Variants in ATG10 observed in about 807,000 individuals in gnomAD.
ATG10 encodes ubiquitin-like-conjugating enzyme ATG10.
Under a neutral mutation model 32.1 loss-of-function variants are expected in ATG10, and 30 were observed. The observed-to-expected ratio is 0.94, with a 90% CI of 0.70 to 1.27. The LOEUF (loss-of-function observed/expected upper bound fraction) is 1.27. Ranked by LOEUF, ATG10 falls within the 50% of genes most tolerant of loss-of-function variation. ATG10 has a pLI of 0.00. For synonymous variants in ATG10, 87 were observed against 91.5 expected (o/e 0.95, Z 0.28); for missense variants, 233 against 262.3 (o/e 0.89, Z 0.77).
chr5:82,045,525 T>C (rs1438787846), intron 2 of ATG10, among the ~76,000 whole-genome samples: 2 of 152,158 alleles, frequency 1.3e-5, no homozygotes, highest in Non-Finnish European at 1.5e-5. Context: ...GCTGTTCTGT[T>C]GTATGCTTCT....
intron 2 of ATG10, among the ~76,000 whole-genome samples, chr5:82,041,965 A>G (rs576346525): frequency 2.2e-4 from 33 of 151,900 alleles, no homozygotes; most frequent in African/African-American, 7.5e-4. Context: ...TCTTTTTAAT[A>G]TCTTCTATTT....
At chr5:82,026,644 A>G (rs1235518525) in intron 2 of ATG10, among the ~76,000 whole-genome samples, 2 of 152,194 alleles carry the variant, frequency 1.3e-5, no homozygotes, top group Admixed American at 6.5e-5. Flanking sequence ...TCTTGATAGA[A>G]TTTCATAATG....
At chr5:82,037,652 T>C (rs375133751) in intron 2 of ATG10, among the ~76,000 whole-genome samples, 1 of 152,214 alleles carries the variant, frequency 6.6e-6, no homozygotes, top group Admixed American at 6.5e-5. Flanking sequence ...TCATTAAGTA[T>C]GTATTTTTAT....
chr5:81,984,246 G>A (rs1057185481), intron 1 of ATG10, among the ~76,000 whole-genome samples: 2 of 152,250 alleles, frequency 1.3e-5, no homozygotes, highest in Non-Finnish European at 2.9e-5. Context: ...CCAACACAGC[G>A]AAACCCCGTC....
chr5:82,081,337 G>A (rs1252493203), intron 3 of ATG10, among the ~76,000 whole-genome samples: 1 of 152,080 alleles, frequency 6.6e-6, no homozygotes, highest in Non-Finnish European at 1.5e-5. Flanking sequence ...TTTCCTAATT[G>A]AATACCCTTT....
chr5:82,080,863 A>G (rs1021842608), intron 3 of ATG10, among the ~76,000 whole-genome samples: 5 of 152,142 alleles, frequency 3.3e-5, no homozygotes, highest in African/African-American at 1.2e-4. Context: ...TTTGTTCCGT[A>G]TGAACTTTAA....
chr5:81,992,710 A>AT (rs1186782455), intron 2 of ATG10, among the ~76,000 whole-genome samples: 3 of 151,796 alleles, frequency 2.0e-5, no homozygotes, highest in Non-Finnish European at 4.4e-5. Flanking sequence ...GGCCCATTTT[A>AT]TTTTTTTTGA....
At chr5:81,983,979 T>G (rs573855789) in intron 1 of ATG10, among the ~76,000 whole-genome samples, 12 of 143,784 alleles carry the variant, frequency 8.3e-5, no homozygotes, top group Non-Finnish European at 1.5e-4. Context: ...ACTTCCTAGA[T>G]GGGATGGCGG....
At chr5:82,188,480 ATAT>A (rs574835438) in intron 5 of ATG10, among the ~76,000 whole-genome samples, 173 of 152,360 alleles carry the variant, frequency 1.1e-3, no homozygotes, top group Middle Eastern at 6.8e-3. Flanking sequence ...ATTAATTTTA[ATAT>A]TATTCATCTT....
chr5:82,083,979 CTA>C (rs1316184573), intron 3 of ATG10, among the ~76,000 whole-genome samples: 2 of 152,190 alleles, frequency 1.3e-5, no homozygotes, highest in Admixed American at 1.3e-4. Flanking sequence ...TGGAGAATGA[CTA>C]TGACGCGTTG....
intron 3 of ATG10, among the ~76,000 whole-genome samples, chr5:82,160,026 C>A (rs956816156): frequency 4.6e-5 from 7 of 152,052 alleles, no homozygotes; most frequent in African/African-American, 1.7e-4. Context: ...TCAGATTTCC[C>A]CAGTTTTACT....
intron 2 of ATG10, among the ~76,000 whole-genome samples, chr5:82,005,213 T>C (rs927052179): frequency 8.5e-5 from 13 of 152,374 alleles, no homozygotes; most frequent in African/African-American, 2.9e-4. Flanking sequence ...TTTACTTTTT[T>C]TGTATGTTAC....
In ATG10 at chr5:82,105,018, A is replaced by G. The variant is rs188259698; in HGVS notation, c.216+46416A>G. On this transcript the variant is annotated intron_variant, in intron 3 of 7. Coordinates refer to ENST00000282185, the MANE Select transcript of ATG10 (RefSeq NM_031482.5). Reference sequence around the variant, plus strand: ...AGAAATCACTGAGTTATTGTGGCGAACACCTAACAATGTCAGTGTTTGATG... The same window carrying G: ...AGAAATCACTGAGTTATTGTGGCGAGCACCTAACAATGTCAGTGTTTGATG... Among the ~76,000 whole-genome samples, 227 of 152,260 alleles carry G rather than the reference A, an allele frequency of 1.5e-3. 1 individual carries two copies. Among genetic ancestry groups the G allele is most frequent in the South Asian group, 6.4e-3 (31 of 4,820 alleles).
chr5:82,200,789 C>A (rs1459976131), intron 5 of ATG10, among the ~76,000 whole-genome samples: 1 of 151,058 alleles, frequency 6.6e-6, no homozygotes, highest in East Asian at 1.9e-4. Context: ...TGTATGACTT[C>A]TTTTTATTCT....
chr5:82,078,228 T>C (rs971886272), intron 3 of ATG10, among the ~76,000 whole-genome samples: 6 of 152,186 alleles, frequency 3.9e-5, no homozygotes, highest in African/African-American at 1.4e-4. Context: ...GTAAAGGCTT[T>C]TAGTACACAT....
At chr5:82,013,014 T>C (rs139168183) in intron 2 of ATG10, among the ~76,000 whole-genome samples, 2,525 of 150,124 alleles carry the variant, frequency 0.017, 75 homozygotes, top group African/African-American at 0.058. Flanking sequence ...CAGGCTGGAG[T>C]GCAGTGGCAC....
intron 2 of ATG10, chr5:82,009,506 C>A (rs1182062323): frequency 2.8e-6 from 3 of 1,080,158 alleles, no homozygotes; most frequent in Non-Finnish European, 4.1e-6. Context: ...CACAAAGATT[C>A]TAGGATACTG....
chr5:82,132,886 T>C (rs964911955), intron 3 of ATG10, among the ~76,000 whole-genome samples: 3 of 152,142 alleles, frequency 2.0e-5, no homozygotes, highest in Non-Finnish European at 4.4e-5. Context: ...TTTCTCCACA[T>C]CCTCTCCAGC....
At chr5:81,992,962 C>T (rs1016541776) in intron 2 of ATG10, among the ~76,000 whole-genome samples, 1 of 152,130 alleles carries the variant, frequency 6.6e-6, no homozygotes, top group Non-Finnish European at 1.5e-5. Flanking sequence ...ATGCTCTTGA[C>T]ATCTAGGCAG....
Sources: allele counts gnomAD v4.1 joint callset (sites outside exome capture counted in the v4.1 genomes callset), GRCh38; gene constraint gnomAD v4.1.1; transcripts MANE v1.5; gene names NCBI Gene and HGNC (gene_info 2026-07-23, HGNC 2026-07-21).